The following UVRAG variants were observed in gnomAD, a reference collection of about 807,000 sequenced individuals.
UVRAG encodes UV radiation resistance-associated gene protein.
Under a neutral mutation model 78.0 loss-of-function variants are expected in UVRAG, and 19 were observed. The ratio of observed to expected loss-of-function variants is 0.24; its 90% CI spans 0.17 to 0.36. The LOEUF (loss-of-function observed/expected upper bound fraction) is 0.36. Among genes scored for constraint, UVRAG ranks in the 10% least tolerant of loss-of-function variants. The pLI, the probability that UVRAG is intolerant of heterozygous loss-of-function variation, is 1.00. For missense variants in UVRAG, 740 were observed against 853.8 expected (o/e 0.87, Z 1.66); for synonymous variants, 323 against 324.6 (o/e 1.00, Z 0.05).
chr11:75,915,664 A>G (rs1164940742), intron 6 of UVRAG, among the ~76,000 whole-genome samples: 1 of 152,232 alleles, frequency 6.6e-6, no homozygotes, highest in Non-Finnish European at 1.5e-5. Flanking sequence ...ATTATAAATA[A>G]GCATTCAGTT....
chr11:75,932,263 A>ATCTT (rs1948256200), intron 6 of UVRAG, among the ~76,000 whole-genome samples: 1 of 148,554 alleles, frequency 6.7e-6, no homozygotes, highest in South Asian at 2.2e-4. Flanking sequence ...AGATTATATG[A>ATCTT]TCTTTATTTA....
chr11:75,831,924 TA>T (rs1417117244), intron 1 of UVRAG, among the ~76,000 whole-genome samples: 10 of 152,304 alleles, frequency 6.6e-5, no homozygotes, highest in South Asian at 2.1e-4. Context: ...AGCTGATTTT[TA>T]AAAAAGCATT....
At chr11:76,018,421 G>T (rs1591138603) in intron 12 of UVRAG, among the ~76,000 whole-genome samples, 2 of 151,698 alleles carry the variant, frequency 1.3e-5, no homozygotes, top group East Asian at 3.9e-4. Context: ...GTTGTTGTTT[G>T]TTTTTTTGAG....
intron 12 of UVRAG, among the ~76,000 whole-genome samples, chr11:76,064,789 G>A (rs964660203): frequency 2.6e-5 from 4 of 152,070 alleles, no homozygotes; most frequent in African/African-American, 9.7e-5. Flanking sequence ...TTGAAATTAA[G>A]ACTAGTAATT....
At chr11:75,978,274 G>T (rs1949298669) in intron 7 of UVRAG, among the ~76,000 whole-genome samples, 2 of 152,114 alleles carry the variant, frequency 1.3e-5, no homozygotes, top group Admixed American at 1.3e-4. Context: ...TGGGTAACCT[G>T]ACCTTTCTCT....
intron 4 of UVRAG, among the ~76,000 whole-genome samples, chr11:75,884,365 A>G (rs899743034): frequency 2.6e-5 from 4 of 151,630 alleles, no homozygotes; most frequent in Admixed American, 2.6e-4. Flanking sequence ...TAAGATATGT[A>G]TTTTCCAATA....
At chr11:76,109,337 AC>A (rs542496793) in intron 13 of UVRAG, among the ~76,000 whole-genome samples, 113 of 152,054 alleles carry the variant, frequency 7.4e-4, no homozygotes, top group African/African-American at 2.7e-3. Context: ...CTTGCTTAAA[AC>A]CCTGGAGTAG....
intron 7 of UVRAG, among the ~76,000 whole-genome samples, chr11:75,970,411 T>C (rs1312426077): frequency 6.6e-6 from 1 of 152,190 alleles, no homozygotes; most frequent in Non-Finnish European, 1.5e-5. Flanking sequence ...ACTTTCTTTT[T>C]CAAGGTAGTT....
chr11:75,990,794 A>C (rs985768011), intron 8 of UVRAG, among the ~76,000 whole-genome samples: 2 of 152,186 alleles, frequency 1.3e-5, no homozygotes, highest in African/African-American at 4.8e-5. Flanking sequence ...TTATTAGTCT[A>C]TCTCCTTCTC....
chr11:75,998,694 A>G (rs777641473), intron 8 of UVRAG, among the ~76,000 whole-genome samples: 15 of 152,312 alleles, frequency 9.8e-5, no homozygotes, highest in Non-Finnish European at 1.6e-4. Flanking sequence ...CTGCTGTGTA[A>G]TAAGGTGAAA....
In UVRAG at chr11:75,877,264, C is replaced by T. The variant is rs187505632; in HGVS notation, c.271-2615C>T. On this transcript the variant is annotated intron_variant, in intron 3 of 14. Transcript: ENST00000356136. ...ATGTCTACTTCTTTCCACACAGACA[C>T]GGCAACCATCTGATTTCTCAATCTT... Among the ~76,000 whole-genome samples, 197 of 152,302 alleles carry T rather than the reference C, an allele frequency of 1.3e-3. 1 individual carries two copies. Among genetic ancestry groups the T allele is most frequent in the African/African-American group, 4.3e-3 (177 of 41,540 alleles).
At chr11:75,944,073 C>T (rs1474775945) in intron 6 of UVRAG, among the ~76,000 whole-genome samples, 1 of 152,132 alleles carries the variant, frequency 6.6e-6, no homozygotes, top group Admixed American at 6.6e-5. Context: ...CATGATATTG[C>T]TCTTGTGCCC....
chr11:76,005,279 C>T (rs563851040), intron 9 of UVRAG, among the ~76,000 whole-genome samples: 2 of 152,032 alleles, frequency 1.3e-5, no homozygotes, highest in East Asian at 1.9e-4. Context: ...GGCGGTGGAG[C>T]TTGCAGTGAG....
intron 8 of UVRAG, among the ~76,000 whole-genome samples, chr11:75,991,230 A>T (rs912729149): frequency 6.6e-6 from 1 of 152,202 alleles, no homozygotes; most frequent in African/African-American, 2.4e-5. Flanking sequence ...GCTTCAAAAG[A>T]TTTCATCTTC....
chr11:75,946,707 C>T (rs566236701), intron 6 of UVRAG, among the ~76,000 whole-genome samples: 48 of 152,318 alleles, frequency 3.2e-4, no homozygotes, highest in Middle Eastern at 6.8e-3. Context: ...GGGCTGCTGT[C>T]AGCCCCATTG....
chr11:75,923,704 CTG>C (rs1276269797), intron 6 of UVRAG, among the ~76,000 whole-genome samples: 1 of 152,122 alleles, frequency 6.6e-6, no homozygotes, highest in Non-Finnish European at 1.5e-5. Flanking sequence ...ACTCATCGCT[CTG>C]TCCATTTTTT....
In UVRAG at chr11:76,009,034, G is replaced by A. The variant is rs115365830; in HGVS notation, c.1060+167G>A. Among the ~76,000 whole-genome samples the A allele has an allele frequency of 7.2e-3, 1,095 of 152,168 alleles. 13 individuals are homozygous for A. Among genetic ancestry groups the A allele is most frequent in the African/African-American group, 0.025 (1,040 of 41,528 alleles). On this transcript the variant is annotated intron_variant, in intron 11 of 14. Coordinates refer to ENST00000356136, the MANE Select transcript of UVRAG (RefSeq NM_003369.4). ...CTCCTTGATGGGAGATAGAATGTTA[G>A]GTCTGATCATAGAAAAATAATTACT...
chr11:75,911,898 G>T (rs1947747893), intron 5 of UVRAG, 56 bp from the exon 6 acceptor site: 4 of 1,133,342 alleles, frequency 3.5e-6, no homozygotes, highest in Non-Finnish European at 5.3e-6. Context: ...TGATTAATTT[G>T]TGCATATATT....
At chr11:76,096,674 A>G (rs982014369) in intron 13 of UVRAG, among the ~76,000 whole-genome samples, 14 of 152,100 alleles carry the variant, frequency 9.2e-5, no homozygotes, top group African/African-American at 3.1e-4. Context: ...GTTATGCTCT[A>G]CTCCATAGAA....
Sources: allele counts gnomAD v4.1 joint callset (sites outside exome capture counted in the v4.1 genomes callset), GRCh38; gene constraint gnomAD v4.1.1; transcripts MANE v1.5; gene names NCBI Gene and HGNC (gene_info 2026-07-23, HGNC 2026-07-21).